The following ZNF804A variants were observed in gnomAD, a reference collection of about 807,000 sequenced individuals.
The protein encoded by ZNF804A is zinc finger protein 804A.
Under a neutral mutation model 16.5 loss-of-function variants are expected in ZNF804A, and 2 were observed. That is an observed-to-expected ratio of 0.12 (90% confidence interval 0.05 to 0.38). ZNF804A has a LOEUF of 0.38. ZNF804A is among the 10% of genes least tolerant of loss of function. The probability of loss-of-function intolerance (pLI) is 0.99; values close to 1 mark genes in which losing one functional copy is unlikely to be tolerated. For missense variants in ZNF804A, 1,473 were observed against 1,390.7 expected, an observed-to-expected ratio of 1.06 and a Z score of -0.94; for synonymous variants, 534 against 489.6, an observed-to-expected ratio of 1.09 and a Z score of -1.20.
chr2:184,899,681 T>C (rs1004043066), intron 2 of ZNF804A, among the ~76,000 whole-genome samples: 3 of 151,970 alleles, frequency 2.0e-5, no homozygotes, highest in Admixed American at 2.0e-4. Context: ...CTTTCAAAGT[T>C]ATGAGTAACA....
chr2:184,900,854 T>A (rs1386071375), intron 2 of ZNF804A, among the ~76,000 whole-genome samples: 2 of 152,162 alleles, frequency 1.3e-5, no homozygotes, highest in Non-Finnish European at 2.9e-5. Context: ...TCTGTCTGTA[T>A]CCAAACAAAA....
intron 2 of ZNF804A, among the ~76,000 whole-genome samples, chr2:184,931,276 C>T (rs1406778559): frequency 6.6e-6 from 1 of 152,232 alleles, no homozygotes; most frequent in Non-Finnish European, 1.5e-5. Flanking sequence ...TGTGGGGGAT[C>T]CCACTCACAT....
At chr2:184,703,746 A>G (rs753554130) in intron 1 of ZNF804A, among the ~76,000 whole-genome samples, 30 of 151,586 alleles carry the variant, frequency 2.0e-4, no homozygotes, top group Non-Finnish European at 3.1e-4. Flanking sequence ...TCAATGCAGG[A>G]AACATTTGTT....
At chr2:184,771,264 C>T (rs2105768664) in intron 1 of ZNF804A, among the ~76,000 whole-genome samples, 1 of 151,870 alleles carries the variant, frequency 6.6e-6, no homozygotes, top group African/African-American at 2.4e-5. Flanking sequence ...GGTTGTAGTG[C>T]TTGAGAGGAG....
intron 1 of ZNF804A, among the ~76,000 whole-genome samples, chr2:184,772,341 A>G (rs113870683): frequency 1.3e-4 from 19 of 150,582 alleles, no homozygotes; most frequent in African/African-American, 3.6e-4. Flanking sequence ...TCCATTTCCC[A>G]TCTCTATAGG....
chr2:184,817,300 CA>C (rs1414057725), intron 1 of ZNF804A, among the ~76,000 whole-genome samples: 3 of 151,960 alleles, frequency 2.0e-5, no homozygotes, highest in Admixed American at 6.6e-5. Flanking sequence ...CAAACTACAG[CA>C]GCCCTATAGA....
intron 1 of ZNF804A, among the ~76,000 whole-genome samples, chr2:184,608,499 A>G (rs911496958): frequency 6.6e-6 from 1 of 152,162 alleles, no homozygotes; most frequent in Non-Finnish European, 1.5e-5. Context: ...TTGGGTAAGA[A>G]AAACTGTGTT....
At chr2:184,807,225 G>A (rs1182940445) in intron 1 of ZNF804A, among the ~76,000 whole-genome samples, 2 of 151,810 alleles carry the variant, frequency 1.3e-5, no homozygotes, top group African/African-American at 4.8e-5. Flanking sequence ...AAAATTGCAG[G>A]ACGCAAAGCC....
chr2:184,728,185 C>A (rs1261239157), intron 1 of ZNF804A, among the ~76,000 whole-genome samples: 2 of 151,728 alleles, frequency 1.3e-5, no homozygotes, highest in South Asian at 2.1e-4. Flanking sequence ...TGCATTAAAT[C>A]ACCAGAAATA....
At chr2:184,811,243 A>T (rs887026808) in intron 1 of ZNF804A, among the ~76,000 whole-genome samples, 2 of 152,152 alleles carry the variant, frequency 1.3e-5, no homozygotes, top group African/African-American at 4.8e-5. Flanking sequence ...ATGACACATA[A>T]ACACCAGCTG....
intron 1 of ZNF804A, among the ~76,000 whole-genome samples, chr2:184,660,147 A>T (rs1237339958): frequency 6.6e-6 from 1 of 152,200 alleles, no homozygotes. Context: ...CCCTTTGCTC[A>T]TTAGTAGTTT....
At chr2:184,819,634 G>GT (rs1240636956) in intron 1 of ZNF804A, among the ~76,000 whole-genome samples, 18 of 151,028 alleles carry the variant, frequency 1.2e-4, no homozygotes, top group Admixed American at 3.3e-4. Context: ...TGGAGGAGCT[G>GT]TTTTTAAAAA....
chr2:184,917,970 C>T (rs1685477673), intron 2 of ZNF804A, among the ~76,000 whole-genome samples: 1 of 152,152 alleles, frequency 6.6e-6, no homozygotes, highest in African/African-American at 2.4e-5. Context: ...AATTGATAGT[C>T]ATTCCTTGAC....
At chr2:184,680,039 A>G (rs1186787461) in intron 1 of ZNF804A, among the ~76,000 whole-genome samples, 2 of 152,192 alleles carry the variant, frequency 1.3e-5, no homozygotes, top group Non-Finnish European at 2.9e-5. Flanking sequence ...TCACCTCTGA[A>G]GCCCATAAAA....
Position 184,706,987 on chromosome 2 carries a change from C to T in ZNF804A, c.111+107917C>T, listed in dbSNP as rs1693041274. On this transcript the variant is annotated intron_variant, in intron 1 of 3. Coordinates refer to ENST00000302277, the MANE Select transcript of ZNF804A (RefSeq NM_194250.2). Reference sequence around the variant, plus strand: ...TCAGCTTATCAGGAGTCCTTATGTGCCACATTTTTATGTGAAAATCTTTTA... The same window carrying T: ...TCAGCTTATCAGGAGTCCTTATGTGTCACATTTTTATGTGAAAATCTTTTA... 2.0e-5 allele frequency among the ~76,000 whole-genome samples: 3 copies of T among 152,082 alleles called. 1 individual carries two copies. Among genetic ancestry groups the T allele is most frequent in the Non-Finnish European group, 4.4e-5 (3 of 68,010 alleles).
At chr2:184,676,995 T>C (rs529077283) in intron 1 of ZNF804A, among the ~76,000 whole-genome samples, 7 of 151,996 alleles carry the variant, frequency 4.6e-5, no homozygotes, top group Middle Eastern at 3.4e-3. Context: ...ATCAGGTAAA[T>C]CTATTATATT....
intron 1 of ZNF804A, among the ~76,000 whole-genome samples, chr2:184,845,688 C>T (rs537288293): frequency 1.3e-5 from 2 of 152,238 alleles, no homozygotes; most frequent in South Asian, 4.1e-4. Flanking sequence ...TACTCCCATT[C>T]ACATGCCAAG....
intron 1 of ZNF804A, among the ~76,000 whole-genome samples, chr2:184,788,451 A>T (rs936817425): frequency 1.3e-5 from 2 of 152,006 alleles, no homozygotes; most frequent in African/African-American, 4.8e-5. Flanking sequence ...AACAATATTG[A>T]TTATGTAAAT....
intron 2 of ZNF804A, among the ~76,000 whole-genome samples, chr2:184,904,930 C>G (rs1049382366): frequency 6.6e-6 from 1 of 152,000 alleles, no homozygotes; most frequent in African/African-American, 2.4e-5. Context: ...AGATAGAAAT[C>G]TTAGTATGGC....
Sources: allele counts gnomAD v4.1 joint callset (sites outside exome capture counted in the v4.1 genomes callset), GRCh38; gene constraint gnomAD v4.1.1; transcripts MANE v1.5; gene names NCBI Gene and HGNC (gene_info 2026-07-23, HGNC 2026-07-21).